Variants in CDC73 observed in about 807,000 individuals in gnomAD.
The protein encoded by CDC73 is parafibromin.
In CDC73, 21 loss-of-function variants were observed where a neutral mutation model predicts 83.7. The observed-to-expected ratio is 0.25, with a 90% CI of 0.18 to 0.36. The LOEUF (loss-of-function observed/expected upper bound fraction) is 0.36. CDC73 is among the 10% of genes least tolerant of loss of function. The probability of loss-of-function intolerance (pLI) is 1.00; values close to 1 mark genes in which losing one functional copy is unlikely to be tolerated. For synonymous variants in CDC73, 224 were observed against 212.9 expected (o/e 1.05, Z -0.45); for missense variants, 342 against 653.3 (o/e 0.52, Z 5.19).
intron 13 of CDC73, among the ~76,000 whole-genome samples, chr1:193,216,569 G>A (rs1360670332): frequency 1.3e-5 from 2 of 151,976 alleles, no homozygotes; most frequent in South Asian, 2.1e-4. Flanking sequence ...AAATCAAGGA[G>A]GAGGGGCTTC....
intron 10 of CDC73, among the ~76,000 whole-genome samples, chr1:193,188,590 G>A (rs924933907): frequency 6.6e-6 from 1 of 152,022 alleles, no homozygotes; most frequent in Admixed American, 6.6e-5. Context: ...AGCTTATTAA[G>A]TATAGGGGAT....
chr1:193,196,999 C>T (rs1263581273), intron 10 of CDC73, among the ~76,000 whole-genome samples: 1 of 152,146 alleles, frequency 6.6e-6, no homozygotes, highest in Admixed American at 6.5e-5. Flanking sequence ...TGAAAGTGGG[C>T]ATCCTTGTCT....
chr1:193,240,425 G>A (rs2102065658), intron 15 of CDC73, among the ~76,000 whole-genome samples: 1 of 152,284 alleles, frequency 6.6e-6, no homozygotes, highest in Middle Eastern at 3.4e-3. Context: ...TTAGTTTTGA[G>A]AAATCTTCAT....
intron 10 of CDC73, among the ~76,000 whole-genome samples, chr1:193,194,848 A>G (rs1676975570): frequency 6.6e-6 from 1 of 152,112 alleles, no homozygotes; most frequent in African/African-American, 2.4e-5. Flanking sequence ...TTGCTATATT[A>G]GTCTGGGTTC....
chr1:193,197,616 TAC>T (rs1424036690), intron 10 of CDC73, among the ~76,000 whole-genome samples: 1 of 152,170 alleles, frequency 6.6e-6, no homozygotes, highest in Non-Finnish European at 1.5e-5. Context: ...ATCTGGCACT[TAC>T]TATGCTTTCA....
chr1:193,212,934 C>A (rs536919810), intron 13 of CDC73, among the ~76,000 whole-genome samples: 1 of 152,144 alleles, frequency 6.6e-6, no homozygotes, highest in South Asian at 2.1e-4. Flanking sequence ...TTTCCAAATG[C>A]TTAACTTTTC....
chr1:193,180,214 C>T, intron 10 of CDC73: 1 of 1,253,554 alleles, frequency 8.0e-7, no homozygotes, highest in Non-Finnish European at 1.1e-6. Flanking sequence ...TAAAACTTGT[C>T]CTACGGATGT....
intron 10 of CDC73, among the ~76,000 whole-genome samples, chr1:193,161,617 TTA>T (rs1250330260): frequency 2.0e-5 from 1 of 51,128 alleles, no homozygotes; most frequent in East Asian, 3.0e-4. Context: ...ATAATATATA[TTA>T]TATGATAGAT....
chr1:193,218,159 C>T (rs916961722), intron 13 of CDC73, among the ~76,000 whole-genome samples: 6 of 152,224 alleles, frequency 3.9e-5, no homozygotes, highest in Non-Finnish European at 7.3e-5. Flanking sequence ...ACAGTAGCCA[C>T]ACACTCACAC....
At chr1:193,179,475 G>A (rs934781111) in intron 10 of CDC73, 1 of 152,586 alleles carries the variant, frequency 6.6e-6, no homozygotes, top group African/African-American at 2.4e-5. Flanking sequence ...GAAATTAAAT[G>A]GTGGTGCTGT....
At chr1:193,188,634 T>C (rs1676864688) in intron 10 of CDC73, among the ~76,000 whole-genome samples, 1 of 152,162 alleles carries the variant, frequency 6.6e-6, no homozygotes, top group African/African-American at 2.4e-5. Flanking sequence ...CCTACCCCTT[T>C]CTCCAGGAAA....
chr1:193,223,484 A>G (rs1677508214), intron 13 of CDC73, among the ~76,000 whole-genome samples: 1 of 152,120 alleles, frequency 6.6e-6, no homozygotes. Flanking sequence ...ACCATTTGAG[A>G]TATTTGATTT....
chr1:193,159,088 C>T (rs980535704), intron 10 of CDC73, among the ~76,000 whole-genome samples: 3 of 152,068 alleles, frequency 2.0e-5, no homozygotes, highest in Non-Finnish European at 4.4e-5. Flanking sequence ...CTTTATATCC[C>T]TTTTATAATA....
chr1:193,134,289 G>C (rs1231999264), intron 3 of CDC73, among the ~76,000 whole-genome samples: 2 of 152,004 alleles, frequency 1.3e-5, no homozygotes, highest in African/African-American at 4.8e-5. Flanking sequence ...AACAACAGAA[G>C]ACTAAAATTG....
chr1:193,243,423 G>T (rs1016613527), intron 15 of CDC73, among the ~76,000 whole-genome samples: 41 of 152,138 alleles, frequency 2.7e-4, no homozygotes, highest in African/African-American at 9.6e-4. Flanking sequence ...TTGGACTCTA[G>T]TATCCTAGCT....
At position 193,254,121 on chromosome 1, in the gene CDC73, T is replaced by G. The variant is rs1678092757; in HGVS notation, c.*3409T>G. 1.3e-5 allele frequency among the ~76,000 whole-genome samples: 2 copies of G among 151,962 alleles called. No individual in the cohort carries two copies. Among genetic ancestry groups the G allele is most frequent in the African/African-American group, 4.8e-5 (2 of 41,430 alleles). On this transcript the variant is annotated 3_prime_UTR_variant, in exon 17 of 17. Coordinates refer to ENST00000367435, the MANE Select transcript of CDC73 (RefSeq NM_024529.5). ...AAAATTATGAGTAAGATAAGTCTTTTTAAATTTTTTATTTTTAATTTTTTT... is the reference window on the plus strand; with the variant it reads ...AAAATTATGAGTAAGATAAGTCTTTGTAAATTTTTTATTTTTAATTTTTTT...
intron 10 of CDC73, among the ~76,000 whole-genome samples, chr1:193,199,986 G>T (rs1331910163): frequency 6.6e-6 from 1 of 151,274 alleles, no homozygotes; most frequent in Non-Finnish European, 1.5e-5. Flanking sequence ...GTACACACCT[G>T]TAATCCTAGC....
At chr1:193,239,215 C>T (rs1677816984) in intron 15 of CDC73, among the ~76,000 whole-genome samples, 1 of 152,170 alleles carries the variant, frequency 6.6e-6, no homozygotes, top group African/African-American at 2.4e-5. Flanking sequence ...ATTCCTCAAA[C>T]TATTTCTTAT....
chr1:193,156,383 T>C (rs2103136712), intron 10 of CDC73, among the ~76,000 whole-genome samples: 1 of 152,342 alleles, frequency 6.6e-6, no homozygotes, highest in Non-Finnish European at 1.5e-5. Context: ...CACCCTGCAA[T>C]TATAGAGATT....
Sources: allele counts gnomAD v4.1 joint callset (sites outside exome capture counted in the v4.1 genomes callset), GRCh38; gene constraint gnomAD v4.1.1; transcripts MANE v1.5; gene names NCBI Gene and HGNC (gene_info 2026-07-23, HGNC 2026-07-21).